Variants in MIA2 observed in about 807,000 individuals in gnomAD.
MIA2 encodes the protein melanoma inhibitory activity protein 2.
MIA2 carries 127 observed loss-of-function variants against 167.8 expected under a neutral mutation model. The observed-to-expected ratio is 0.76, with a 90% CI of 0.66 to 0.88. MIA2 has a LOEUF of 0.88. MIA2 is among the 40% of genes least tolerant of loss of function. The pLI is 0.00. For missense variants in MIA2, 1,690 were observed against 1,624.7 expected (o/e 1.04, Z -0.69); for synonymous variants, 552 against 541.9 (o/e 1.02, Z -0.26).
rs748775088 is a variant in MIA2, at chr14:39,308,436, A to C, written c.2879-13A>C. 3.5e-6 allele frequency: 5 copies of C among 1,441,438 alleles called. No homozygotes were observed. In the African/African-American group the frequency reaches 7.4e-5, roughly 21 times the overall value. 89.3% of individuals were successfully genotyped at this position (1,441,438 alleles called of 1,614,324 possible). On this transcript the variant is annotated splice_polypyrimidine_tract_variant and intron_variant, in intron 17 of 28. Transcript: ENST00000640607. ...TGTTTCTCCTTTAATTATGACTTAAAATTTTTATATAGAGCATATTAAAAA... is the reference window on the plus strand; with the variant it reads ...TGTTTCTCCTTTAATTATGACTTAACATTTTTATATAGAGCATATTAAAAA...
Position 39,314,810 on chromosome 14 carries a change from A to ATATATGTGTGTGTG in MIA2, c.3180+12_3180+13insATATGTGTGTGTGT, listed in dbSNP as rs1555390607. ...TCTTATCAAGGGCAGGTATATATAT[A>ATATATGTGTGTGTG]TGTGTGTGTGTGTGTGTGTGTGTGT... On this transcript the variant is annotated intron_variant, in intron 20 of 28. Transcript: ENST00000640607. 4.6e-5 allele frequency: 49 copies of ATATATGTGTGTGTG among 1,066,100 alleles called. No individual in the cohort carries two copies. In the African/African-American group the frequency reaches 7.8e-4, roughly 17 times the overall value. The allele number at this position is 1,066,100 out of a possible 1,614,324, so 66.0% of individuals were successfully genotyped here.
At chr14:39,290,438 T>G (rs1207825623) in intron 9 of MIA2, among the ~76,000 whole-genome samples, 2 of 152,198 alleles carry the variant, frequency 1.3e-5, no homozygotes, top group Non-Finnish European at 1.5e-5. Flanking sequence ...TTGAAGTGCA[T>G]TTTGCCAAAT....
intron 6 of MIA2, chr14:39,269,179 A>C: frequency 2.1e-6 from 1 of 484,570 alleles, no homozygotes; most frequent in Non-Finnish European, 2.6e-6. Context: ...ATTTTTAAAA[A>C]TTATTTTGTA....
chr14:39,271,100 G>A (rs2057061612), intron 6 of MIA2, among the ~76,000 whole-genome samples: 1 of 152,198 alleles, frequency 6.6e-6, no homozygotes, highest in Non-Finnish European at 1.5e-5. Context: ...CTTACGGGAA[G>A]TTCTTCGATC....
intron 3 of MIA2, among the ~76,000 whole-genome samples, chr14:39,241,020 A>G (rs1276574846): frequency 6.6e-6 from 1 of 152,212 alleles, no homozygotes; most frequent in Non-Finnish European, 1.5e-5. Context: ...GCTACCTTAC[A>G]TATATTGAAG....
chr14:39,386,033 G>T, intron 23 of MIA2: 1 of 1,061,438 alleles, frequency 9.4e-7, no homozygotes, highest in Non-Finnish European at 1.4e-6. Flanking sequence ...GACAACTCTG[G>T]GCCCGGACAA....
At chr14:39,283,519 T>A (rs2059233437) in intron 9 of MIA2, among the ~76,000 whole-genome samples, 1 of 152,224 alleles carries the variant, frequency 6.6e-6, no homozygotes, top group Admixed American at 6.5e-5. Flanking sequence ...TATGCCTTTC[T>A]CTTTTCTTGT....
At chr14:39,332,751 C>G (rs899140459) in intron 25 of MIA2, among the ~76,000 whole-genome samples, 12 of 152,090 alleles carry the variant, frequency 7.9e-5, no homozygotes, top group South Asian at 6.2e-4. Flanking sequence ...GGACTGCACC[C>G]GCTCTCTAAC....
chr14:39,263,926 C>T (rs373680256), intron 6 of MIA2, among the ~76,000 whole-genome samples: 6 of 152,006 alleles, frequency 3.9e-5, no homozygotes, highest in Admixed American at 1.3e-4. Flanking sequence ...GAGCCAACCA[C>T]GCCCAGCCCT....
At chr14:39,290,980 A>C (rs777330091) in intron 9 of MIA2, 39 bp from the exon 10 acceptor site, 2 of 1,540,260 alleles carry the variant, frequency 1.3e-6, no homozygotes, top group South Asian at 1.2e-5. Context: ...TTAGAATACA[A>C]TTGGTAGAGT....
At chr14:39,367,835 T>C (rs1048090215) in intron 23 of MIA2, among the ~76,000 whole-genome samples, 41 of 152,172 alleles carry the variant, frequency 2.7e-4, no homozygotes, top group Non-Finnish European at 1.0e-4. Flanking sequence ...CGGTTTTTTT[T>C]TCCAAATATT....
At chr14:39,323,212 A>G (rs2066803722) in intron 24 of MIA2, among the ~76,000 whole-genome samples, 1 of 151,872 alleles carries the variant, frequency 6.6e-6, no homozygotes, top group Non-Finnish European at 1.5e-5. Flanking sequence ...ATTTTGCTTC[A>G]CTTAGAACTG....
chr14:39,250,569 C>T (rs1221831587), intron 4 of MIA2, among the ~76,000 whole-genome samples: 1 of 149,530 alleles, frequency 6.7e-6, no homozygotes, highest in African/African-American at 2.5e-5. Flanking sequence ...GGTGGTGTGC[C>T]CCTGTAATCC....
At chr14:39,339,842 CTTTATTAT>C (rs1028247361) in intron 25 of MIA2, among the ~76,000 whole-genome samples, 2 of 151,950 alleles carry the variant, frequency 1.3e-5, no homozygotes, top group African/African-American at 4.8e-5. Flanking sequence ...ATTTAATTTT[CTTTATTAT>C]TTTGTTTTGT....
chr14:39,314,027 T>A (rs1170693103), intron 19 of MIA2, among the ~76,000 whole-genome samples: 1 of 152,202 alleles, frequency 6.6e-6, no homozygotes, highest in Non-Finnish European at 1.5e-5. Context: ...CTTGTTAATC[T>A]CACAAAAGTA....
chr14:39,386,185 G>A, intron 23 of MIA2: 6 of 1,391,210 alleles, frequency 4.3e-6, no homozygotes, highest in Non-Finnish European at 6.1e-6. Flanking sequence ...TGCCCTTGCT[G>A]GGGGTAAGGC....
chr14:39,307,094 G>T (rs2063455689), intron 17 of MIA2, among the ~76,000 whole-genome samples: 1 of 152,026 alleles, frequency 6.6e-6, no homozygotes, highest in Non-Finnish European at 1.5e-5. Context: ...GTTATGAGAA[G>T]ATCTAGATTT....
chr14:39,301,858 AT>A, intron 14 of MIA2, among the ~76,000 whole-genome samples: 1 of 152,350 alleles, frequency 6.6e-6, no homozygotes, highest in East Asian at 1.9e-4. Context: ...CATATAAAAA[AT>A]ATTTTACTAC....
chr14:39,344,778 T>C (rs555456604), intron 25 of MIA2, among the ~76,000 whole-genome samples: 6 of 152,334 alleles, frequency 3.9e-5, no homozygotes, highest in Non-Finnish European at 7.3e-5. Flanking sequence ...GTTGGACATA[T>C]GCATGCCTAA....
Sources: gnomAD v4.1 joint callset for allele counts (sites outside exome capture counted in the v4.1 genomes callset) on GRCh38, gnomAD v4.1.1 for gene constraint, MANE v1.5 for transcripts, NCBI Gene and HGNC (gene_info 2026-07-23, HGNC 2026-07-21) for gene names.